ZNF431: variants seen among roughly 807,000 people sequenced by gnomAD.
ZNF431 encodes zinc finger protein 431.
Under a neutral mutation model 57.0 loss-of-function variants are expected in ZNF431, and 34 were observed. The observed-to-expected ratio is 0.60, with a 90% CI of 0.45 to 0.79. The LOEUF (loss-of-function observed/expected upper bound fraction) is 0.79, where lower values mean the gene tolerates loss of function less well. Ranked by LOEUF, ZNF431 falls within the 30% of genes least tolerant of loss-of-function variation. ZNF431 has a pLI of 0.00. For missense variants in ZNF431, 607 were observed against 667.1 expected, an observed-to-expected ratio of 0.91 and a Z score of 0.99; for synonymous variants, 207 against 220.3, an observed-to-expected ratio of 0.94 and a Z score of 0.54.
intron 4 of ZNF431, among the ~76,000 whole-genome samples, chr19:21,179,542 A>G (rs2145040584): frequency 6.6e-6 from 1 of 150,626 alleles, no homozygotes; most frequent in East Asian, 1.9e-4. Flanking sequence ...GCTGTGTTCC[A>G]GAGATTCTGT....
rs368393794 is a variant in ZNF431, at chr19:21,154,705, C to T, written c.96+11062C>T. Among the ~76,000 whole-genome samples, 532 of 151,994 alleles carry T rather than the reference C, an allele frequency of 3.5e-3. 4 individuals are homozygous for T. The highest frequency in any genetic ancestry group is 0.011 in the African/African-American group (450 of 41,484). On this transcript the variant is annotated intron_variant, in intron 2 of 4. Coordinates refer to ENST00000311048, the MANE Select transcript of ZNF431 (RefSeq NM_133473.4). ...TGTTGTTTCCTGACTTTTTAATGAT[C>T]GCCATTCTAACTGGTGTGAGATGGT...
At chr19:21,162,601 G>A (rs1028565959) in intron 2 of ZNF431, 3 of 475,522 alleles carry the variant, frequency 6.3e-6, no homozygotes, top group Admixed American at 6.4e-5. Context: ...CACCACACCC[G>A]ACCAGATTCA....
At chr19:21,157,276 T>C (rs1291424054) in intron 2 of ZNF431, among the ~76,000 whole-genome samples, 1 of 152,098 alleles carries the variant, frequency 6.6e-6, no homozygotes, top group Non-Finnish European at 1.5e-5. Flanking sequence ...TAGCTGGGAC[T>C]GCAGGCATGT....
intron 4 of ZNF431, among the ~76,000 whole-genome samples, chr19:21,171,879 C>A (rs1970904178): frequency 6.6e-6 from 1 of 150,926 alleles, no homozygotes; most frequent in Non-Finnish European, 1.5e-5. Context: ...TGCCACCATG[C>A]CCGGCTAATT....
intron 1 of ZNF431, among the ~76,000 whole-genome samples, chr19:21,143,304 T>G (rs1179852223): frequency 1.3e-5 from 2 of 152,208 alleles, no homozygotes; most frequent in Non-Finnish European, 2.9e-5. Context: ...CCCCTGATAC[T>G]GTATTGTTAA....
chr19:21,163,136 T>C (rs555248601), intron 2 of ZNF431, among the ~76,000 whole-genome samples: 42 of 151,628 alleles, frequency 2.8e-4, no homozygotes, highest in Non-Finnish European at 5.6e-4. Context: ...ATTCCCCACA[T>C]AGTGCTCTGT....
In ZNF431 at chr19:21,183,514, T is replaced by C. The variant is rs879217005; in HGVS notation, c.1211T>C (p.Val404Ala). Residue 404 changes from valine (V) to alanine (A), a missense_variant, in exon 5 of 5, where the codon GTG (valine) becomes GCG (alanine). Physicochemically the swap from Val to Ala is moderately conservative, Grantham distance 64. Coordinates refer to ENST00000311048, the MANE Select transcript of ZNF431 (RefSeq NM_133473.4). ...GGAGAGAAACCCTACAAATGTGAAG[T>C]GTGTGGCAAAGCCTTTAATGAGTCC... ...HTGEKPYKCE[V>A]CGKAFNESSN... The C allele has an allele frequency of 3.8e-6, 6 of 1,580,710 alleles. No individual in the cohort carries two copies. The highest frequency in any genetic ancestry group is 4.6e-5 in the East Asian group (2 of 43,674).
chr19:21,181,866 A>G (rs1971218213), intron 4 of ZNF431, among the ~76,000 whole-genome samples: 1 of 152,056 alleles, frequency 6.6e-6, no homozygotes, highest in African/African-American at 2.4e-5. Context: ...GTAATCTTTG[A>G]TTAATATTTG....
At chr19:21,150,702 A>T (rs1246110200) in intron 2 of ZNF431, among the ~76,000 whole-genome samples, 3 of 152,156 alleles carry the variant, frequency 2.0e-5, no homozygotes, top group African/African-American at 7.2e-5. Context: ...GGTGGTCAAG[A>T]TTATGTTTCT....
At chr19:21,168,583 G>A (rs1311411963) in intron 4 of ZNF431, among the ~76,000 whole-genome samples, 1 of 152,088 alleles carries the variant, frequency 6.6e-6, no homozygotes, top group Non-Finnish European at 1.5e-5. Flanking sequence ...GTTCAGACTG[G>A]TCTCAAACTC....
intron 2 of ZNF431, among the ~76,000 whole-genome samples, chr19:21,162,127 T>G (rs1040131421): frequency 3.1e-4 from 30 of 97,820 alleles, no homozygotes; most frequent in African/African-American, 7.6e-4. Context: ...CAGGTGCCTG[T>G]CACCACATCC....
rs147835442 is a variant in ZNF431, at chr19:21,157,044, C to G, written c.97-9291C>G. Among the ~76,000 whole-genome samples, 624 of 152,284 alleles carry G rather than the reference C, an allele frequency of 4.1e-3. 5 individuals are homozygous for G. Among genetic ancestry groups the G allele is most frequent in the African/African-American group, 0.014 (595 of 41,548 alleles). On this transcript the variant is annotated intron_variant, in intron 2 of 4. Coordinates refer to ENST00000311048, the MANE Select transcript of ZNF431 (RefSeq NM_133473.4). Reference sequence around the variant, plus strand: ...CCACCTGCCTCGGCCTCCCAAAGTGCTGAGATTACAAGTGTGAACCACCTC... The same window carrying G: ...CCACCTGCCTCGGCCTCCCAAAGTGGTGAGATTACAAGTGTGAACCACCTC...
At position 21,183,356 on chromosome 19, in the gene ZNF431, A is replaced by C. The variant is rs747668357; in HGVS notation, c.1053A>C (p.Lys351Asn). ...CCTACAAATGTGAGGAATGTGACAAAGCTTTTAATCGATTCTCATACCTTA... is the reference window on the plus strand; with the variant it reads ...CCTACAAATGTGAGGAATGTGACAACGCTTTTAATCGATTCTCATACCTTA... ...EKPYKCEECD[K>N]AFNRFSYLTK... The change falls in exon 5 of 5, where the codon AAA (lysine) becomes AAC (asparagine). Residue 351 changes from lysine (K) to asparagine (N), a missense_variant. Transcript: ENST00000311048. The C allele has an allele frequency of 6.2e-7, 1 of 1,613,864 alleles. No homozygotes were observed. The highest frequency in any genetic ancestry group is 8.5e-7 in the Non-Finnish European group (1 of 1,179,854).
intron 4 of ZNF431, among the ~76,000 whole-genome samples, chr19:21,171,036 T>C (rs1740023222): frequency 6.6e-6 from 1 of 152,248 alleles, no homozygotes; most frequent in Non-Finnish European, 1.5e-5. Context: ...CTTTGCAAAA[T>C]ATACGTTTAA....
In ZNF431 at chr19:21,147,998, T is replaced by TA. The variant is rs1265497125; in HGVS notation, c.96+4357dup. ...AACCCAATTCTTAGTGAATTTTTTT[T>TA]AATTTTTTTTTTTTTGAGACAGAGT... On this transcript the variant is annotated intron_variant, in intron 2 of 4. Coordinates refer to ENST00000311048, the MANE Select transcript of ZNF431 (RefSeq NM_133473.4). 2.0e-5 allele frequency among the ~76,000 whole-genome samples: 3 copies of TA among 149,980 alleles called. No individual in the cohort carries two copies. In the East Asian group the frequency reaches 5.8e-4, roughly 29 times the overall value.
At chr19:21,170,895 G>A (rs909576383) in intron 4 of ZNF431, among the ~76,000 whole-genome samples, 4 of 152,020 alleles carry the variant, frequency 2.6e-5, no homozygotes, top group Admixed American at 1.3e-4. Flanking sequence ...GGCTGGTCTC[G>A]AACTCCTGAC....
rs571315156 is a variant in ZNF431, at chr19:21,183,099, G to A, written c.796G>A (p.Gly266Ser). The change falls in exon 5 of 5, where the codon GGC (glycine) becomes AGC (serine). Residue 266 changes from glycine (G) to serine (S), a missense_variant. Gly to Ser is a moderately conservative substitution (Grantham distance 56, BLOSUM62 0). Transcript: ENST00000311048. The part of the protein sequence containing the change: ...GEKPFKCEEC[G>S]KAFKQSSTLT... ...GAAACCCTTCAAATGTGAAGAATGT[G>A]GCAAAGCTTTTAAGCAGTCCTCAAC... The A allele has an allele frequency of 6.8e-6, 11 of 1,614,018 alleles. No homozygotes were observed. Among genetic ancestry groups the A allele is most frequent in the Non-Finnish European group, 9.3e-6 (11 of 1,179,968 alleles).
rs556407566 is a variant in ZNF431 at position 21,166,057 on chromosome 19, T to C, written c.97-278T>C. Among the ~76,000 whole-genome samples the C allele has an allele frequency of 2.6e-5, 4 of 152,344 alleles. No individual in the cohort carries two copies. The East Asian group carries it at 7.7e-4, about 29-fold the overall frequency. On this transcript the variant is annotated intron_variant, in intron 2 of 4. Transcript: ENST00000311048. Reference sequence around the variant, plus strand: ...ATGATGTAAGTATAGCACTCAATAATGTATATGTTTGTGTTTGTGTCCTTA... The same window carrying C: ...ATGATGTAAGTATAGCACTCAATAACGTATATGTTTGTGTTTGTGTCCTTA...
At chr19:21,146,228 G>A (rs1253519458) in intron 2 of ZNF431, among the ~76,000 whole-genome samples, 1 of 151,892 alleles carries the variant, frequency 6.6e-6, no homozygotes, top group Non-Finnish European at 1.5e-5. Flanking sequence ...TGATCAACAT[G>A]GTGAAACCCC....
Sources: gnomAD v4.1 joint callset for allele counts (sites outside exome capture counted in the v4.1 genomes callset) on GRCh38, gnomAD v4.1.1 for gene constraint, MANE v1.5 for transcripts, NCBI Gene and HGNC (gene_info 2026-07-23, HGNC 2026-07-21) for gene names.